TNFAIP8: variants seen among roughly 807,000 people sequenced by gnomAD.
TNFAIP8 encodes tumor necrosis factor alpha-induced protein 8.
Under a neutral mutation model 13.3 loss-of-function variants are expected in TNFAIP8, and 7 were observed. The ratio of observed to expected loss-of-function variants is 0.52; its 90% CI spans 0.30 to 0.99. The LOEUF (loss-of-function observed/expected upper bound fraction) is 0.99. Among genes scored for constraint, TNFAIP8 ranks in the 50% least tolerant of loss-of-function variants. TNFAIP8 has a pLI of 0.07. For missense variants in TNFAIP8, 258 were observed against 236.9 expected (o/e 1.09, Z -0.58); for synonymous variants, 94 against 87.6 (o/e 1.07, Z -0.41).
intron 1 of TNFAIP8, among the ~76,000 whole-genome samples, chr5:119,311,281 C>T (rs192784326): frequency 6.6e-6 from 1 of 152,204 alleles, no homozygotes; most frequent in African/African-American, 2.4e-5. Flanking sequence ...GCCTTGGCCT[C>T]CCAAAGTGCT....
chr5:119,346,537 T>C (rs1216784710), intron 1 of TNFAIP8, among the ~76,000 whole-genome samples: 6 of 152,212 alleles, frequency 3.9e-5, no homozygotes, highest in East Asian at 1.9e-4. Flanking sequence ...AGTAAACTTA[T>C]TGCAGTTCCT....
intron 1 of TNFAIP8, among the ~76,000 whole-genome samples, chr5:119,342,035 A>G (rs980172874): frequency 6.6e-6 from 1 of 151,938 alleles, no homozygotes; most frequent in Non-Finnish European, 1.5e-5. Flanking sequence ...GGTGCCCTCT[A>G]GTCCTCATCT....
chr5:119,391,223 G>T (rs1459584744), intron 1 of TNFAIP8: 2 of 537,194 alleles, frequency 3.7e-6, no homozygotes, highest in South Asian at 2.2e-5. Context: ...TGAAGCAGCT[G>T]CCTTTTTGCT....
At chr5:119,378,325 T>A (rs537935625) in intron 1 of TNFAIP8, among the ~76,000 whole-genome samples, 1 of 152,324 alleles carries the variant, frequency 6.6e-6, no homozygotes, top group Non-Finnish European at 1.5e-5. Context: ...GGGTTTTTTT[T>A]TCCTAGAATT....
chr5:119,336,547 T>A (rs1253467675), intron 1 of TNFAIP8, among the ~76,000 whole-genome samples: 1 of 152,206 alleles, frequency 6.6e-6, no homozygotes, highest in Admixed American at 6.5e-5. Context: ...TTCAGAGAAA[T>A]ACTCTGCTGA....
At chr5:119,333,065 T>C in intron 1 of TNFAIP8, 1 of 341,814 alleles carries the variant, frequency 2.9e-6, no homozygotes, top group Non-Finnish European at 4.1e-6. Flanking sequence ...TTTTCTTTTT[T>C]TCAGGCATCT....
chr5:119,327,856 T>C (rs1356991801), intron 1 of TNFAIP8, among the ~76,000 whole-genome samples: 2 of 152,328 alleles, frequency 1.3e-5, no homozygotes, highest in East Asian at 3.9e-4. Context: ...TAAGTTACTA[T>C]TTCAAGGTCA....
intron 1 of TNFAIP8, among the ~76,000 whole-genome samples, chr5:119,282,512 G>A (rs1004720524): frequency 4.6e-5 from 7 of 152,180 alleles, no homozygotes; most frequent in African/African-American, 1.7e-4. Context: ...TTCAGTGTCA[G>A]GTTTTCAGAC....
chr5:119,394,611 A>ATTTTTTTTTT lies in TNFAIP8; in HGVS notation c.*1240_*1249dup, dbSNP rs397963876. On this transcript the variant is annotated 3_prime_UTR_variant, in exon 2 of 2. Coordinates refer to ENST00000504771, the MANE Select transcript of TNFAIP8 (RefSeq NM_014350.4). The stretch of plus-strand genomic sequence containing the variant: ...CATTTCCATTGTCACTGTGTCTATG[A>ATTTTTTTTTT]TTTTTTTTTTTTTTTTTTTGAGTCT... 2.3e-4 allele frequency: 26 copies of ATTTTTTTTTT among 114,692 alleles called. 4 individuals carry two copies. The highest frequency in any genetic ancestry group is 8.5e-4 in the African/African-American group (21 of 24,796). The allele number at this position is 114,692 out of a possible 1,614,324, so 7.1% of individuals were successfully genotyped here. A position where few individuals can be genotyped will look rare whatever the true frequency, so the allele number is the denominator to read the frequency against.
intron 1 of TNFAIP8, among the ~76,000 whole-genome samples, chr5:119,349,799 G>A (rs1751050304): frequency 6.6e-6 from 1 of 152,224 alleles, no homozygotes; most frequent in South Asian, 2.1e-4. Flanking sequence ...GAGATTTGAC[G>A]ATGGTTCAAT....
At position 119,322,162 on chromosome 5, in the gene TNFAIP8, T is replaced by C. The variant is rs138438158; in HGVS notation, c.1+53255T>C. Among the ~76,000 whole-genome samples, 524 of 152,322 alleles carry C rather than the reference T, an allele frequency of 3.4e-3. 2 individuals carry two copies. Among genetic ancestry groups the C allele is most frequent in the African/African-American group, 0.012 (512 of 41,574 alleles). On this transcript the variant is annotated intron_variant, in intron 1 of 1. Coordinates refer to the TNFAIP8 transcript ENST00000274456. ...ATGCTCCTCTCTCCCACCCACTCTC[T>C]AGCCCCTGCCTCTGGTTTGTTTTTT...
chr5:119,378,442 C>T (rs573155972), intron 1 of TNFAIP8, among the ~76,000 whole-genome samples: 105 of 152,266 alleles, frequency 6.9e-4, no homozygotes, highest in African/African-American at 2.5e-3. Flanking sequence ...AGCCTCCTGA[C>T]ATTAACATGG....
At position 119,397,967 on chromosome 5, in the gene TNFAIP8, G is replaced by A. The variant is rs1753113097; in HGVS notation, c.*4586G>A. ...ATCAGCCCCACGTTATAGGGAACAA[G>A]CGAGTCCCAAATCGTACCATCTGCT... On this transcript the variant is annotated 3_prime_UTR_variant, in exon 2 of 2. Transcript: ENST00000504771. 1 of 152,228 alleles carries A rather than the reference G, an allele frequency of 6.6e-6. No homozygotes were observed. The highest frequency in any genetic ancestry group is 2.4e-5 in the African/African-American group (1 of 41,464). 9.4% of individuals were successfully genotyped at this position (152,228 alleles called of 1,614,324 possible). A position where few individuals can be genotyped will look rare whatever the true frequency, so the allele number is the denominator to read the frequency against.
chr5:119,310,773 G>A (rs112732695), intron 1 of TNFAIP8, among the ~76,000 whole-genome samples: 2,323 of 152,248 alleles, frequency 0.015, 18 homozygotes, highest in Non-Finnish European at 0.024. Flanking sequence ...GTTACAGTGA[G>A]TGGAGATTGC....
chr5:119,386,894 C>T (rs1309391952), intron 1 of TNFAIP8, among the ~76,000 whole-genome samples: 2 of 152,130 alleles, frequency 1.3e-5, no homozygotes, highest in South Asian at 2.1e-4. Flanking sequence ...CTGCCATGGT[C>T]GTTGCTTCTG....
At chr5:119,317,087 A>G (rs1276410006) in intron 1 of TNFAIP8, among the ~76,000 whole-genome samples, 1 of 152,198 alleles carries the variant, frequency 6.6e-6, no homozygotes, top group Non-Finnish European at 1.5e-5. Context: ...GCCACCCGGC[A>G]AGATAATAAA....
chr5:119,329,805 C>T (rs1322462881), intron 1 of TNFAIP8, among the ~76,000 whole-genome samples: 1 of 151,560 alleles, frequency 6.6e-6, no homozygotes, highest in African/African-American at 2.4e-5. Context: ...CCAGCCTTGT[C>T]TAGACATGGA....
intron 1 of TNFAIP8, among the ~76,000 whole-genome samples, chr5:119,277,894 G>A (rs1347302000): frequency 1.3e-5 from 2 of 152,040 alleles, no homozygotes; most frequent in African/African-American, 4.8e-5. Flanking sequence ...AGGCACTGGG[G>A]TACACCTTTC....
Position 119,356,038 on chromosome 5 carries a change from C to A in TNFAIP8, c.-53C>A. 6.5e-7 allele frequency: 1 copy of A among 1,545,376 alleles called. No homozygotes were observed. Among genetic ancestry groups the A allele is most frequent in the South Asian group, 1.2e-5 (1 of 84,226 alleles). ...TTCGCTGCAGAGCGAACTTGCGGCT[C>A]GTCCGAGTACATGTGAGCGGTAATC... On this transcript the variant is annotated 5_prime_UTR_variant, in exon 1 of 2. Coordinates refer to ENST00000504771, the MANE Select transcript of TNFAIP8 (RefSeq NM_014350.4).
Sources: gnomAD v4.1 joint callset for allele counts (sites outside exome capture counted in the v4.1 genomes callset) on GRCh38, gnomAD v4.1.1 for gene constraint, MANE v1.5 for transcripts, NCBI Gene and HGNC (gene_info 2026-07-23, HGNC 2026-07-21) for gene names.